Variants in HAGH observed in about 807,000 individuals in gnomAD.
HAGH encodes hydroxyacylglutathione hydrolase, also known as hydroxyacylglutathione hydrolase, mitochondrial.
HAGH carries 29 observed loss-of-function variants against 35.1 expected under a neutral mutation model. That is an observed-to-expected ratio of 0.83 (90% confidence interval 0.62 to 1.13). The LOEUF (loss-of-function observed/expected upper bound fraction) is 1.13. HAGH is among the 50% of genes most tolerant of loss of function. HAGH has a pLI of 0.00. For missense variants in HAGH, 478 were observed against 419.6 expected (o/e 1.14, Z -1.22); for synonymous variants, 225 against 176.1 (o/e 1.28, Z -2.20).
chr16:1,822,353 C>A lies in HAGH; in HGVS notation c.261G>T (p.Ala87=). The A allele has an allele frequency of 1.2e-6, 2 of 1,611,014 alleles. No individual in the cohort carries two copies. The highest frequency in any genetic ancestry group is 1.7e-4 in the Middle Eastern group (1 of 6,044). The change falls in exon 3 of 9, where the codon GCG becomes GCT. Residue 87 remains alanine, a synonymous_variant. Coordinates refer to ENST00000397356, the MANE Select transcript of HAGH (RefSeq NM_005326.6). The stretch of plus-strand genomic sequence containing the variant: ...TCAGTTTCACCCCGTGCTTTCTCGC[C>A]GCGTCCACGACCTGCAGTGGCCCCG... The part of the protein sequence containing the change: ...DPVQPQKVVD[A]ARKHGVKLTT...
chr16:1,822,354 G>A lies in HAGH; in HGVS notation c.260C>T (p.Ala87Val), dbSNP rs201035358. 125 of 1,610,498 alleles carry A rather than the reference G, an allele frequency of 7.8e-5. 1 individual carries two copies. In the Middle Eastern group the frequency reaches 9.9e-4, roughly 13 times the overall value. ...DPVQPQKVVD[A>V]ARKHGVKLTT... ...CAGTTTCACCCCGTGCTTTCTCGCCGCGTCCACGACCTGCAGTGGCCCCGG... is the reference window on the plus strand; with the variant it reads ...CAGTTTCACCCCGTGCTTTCTCGCCACGTCCACGACCTGCAGTGGCCCCGG... Residue 87 changes from alanine to valine, a missense_variant, in exon 3 of 9, where the codon GCG (alanine) becomes GTG (valine). Coordinates refer to ENST00000397356, the MANE Select transcript of HAGH (RefSeq NM_005326.6).
At chr16:1,826,907 C>T (rs1052833760), upstream of HAGH, 4 of 693,986 alleles carry the variant, frequency 5.8e-6, no homozygotes, top group East Asian at 1.3e-4. Flanking sequence ...CACCTCGCAC[C>T]GTCCGCCAAC....
intron 7 of HAGH, among the ~76,000 whole-genome samples, chr16:1,814,930 T>TATACACACACACAC: frequency 7.1e-6 from 1 of 140,732 alleles, no homozygotes; most frequent in East Asian, 2.1e-4. Context: ...TATATGTATA[T>TATACACACACACAC]ACACACACAC....
rs560247980 is a variant in HAGH, at chr16:1,813,835, C to T, written c.747+3058G>A. ...GTTACAGTCATCAAGGTGCTGTCCT[C>T]GGACACCGTGGCAAGTCATAGAGAC... On this transcript the variant is annotated intron_variant, in intron 7 of 8. Coordinates refer to ENST00000397356, the MANE Select transcript of HAGH (RefSeq NM_005326.6). 6.3e-4 allele frequency among the ~76,000 whole-genome samples: 96 copies of T among 152,338 alleles called. 2 individuals carry two copies. The South Asian group carries it at 0.019, about 30-fold the overall frequency.
At chr16:1,812,555 T>C (rs1357320090) in intron 7 of HAGH, 1 of 148,370 alleles carries the variant, frequency 6.7e-6, no homozygotes, top group Non-Finnish European at 1.5e-5. Context: ...AAATCAGGAA[T>C]GAAAGCAGGA....
chr16:1,823,066 C>T (rs759438237), intron 1 of HAGH, 29 bp from the exon 2 acceptor site: 1 of 1,607,320 alleles, frequency 6.2e-7, no homozygotes, highest in Admixed American at 1.7e-5. Context: ...ACTCAGCGGG[C>T]AGCCGCGCCA....
intron 1 of HAGH, among the ~76,000 whole-genome samples, chr16:1,825,398 C>T (rs1172977722): frequency 6.6e-6 from 1 of 152,124 alleles, no homozygotes; most frequent in Admixed American, 6.6e-5. Context: ...TGAGGAAAGA[C>T]GCAGCTGGTG....
chr16:1,811,134 C>A (rs1345933217), intron 7 of HAGH, among the ~76,000 whole-genome samples: 1 of 152,188 alleles, frequency 6.6e-6, no homozygotes, highest in African/African-American at 2.4e-5. Context: ...GGTCAGTCAG[C>A]CGAGCGCAGT....
At chr16:1,824,069 G>C (rs1003276078) in intron 1 of HAGH, among the ~76,000 whole-genome samples, 3 of 152,102 alleles carry the variant, frequency 2.0e-5, no homozygotes, top group African/African-American at 7.2e-5. Context: ...GTTCCATGCA[G>C]TTACAGCCCT....
intron 7 of HAGH, among the ~76,000 whole-genome samples, chr16:1,811,495 C>G (rs1223511880): frequency 6.6e-6 from 1 of 151,836 alleles, no homozygotes; most frequent in Non-Finnish European, 1.5e-5. Context: ...GGTGGATCAC[C>G]TGAGGTCAGG....
intron 3 of HAGH, among the ~76,000 whole-genome samples, chr16:1,820,462 C>T (rs2142044339): frequency 6.6e-6 from 1 of 150,540 alleles, no homozygotes; most frequent in East Asian, 1.9e-4. Context: ...AGTTTGTGGC[C>T]CGACACTCTG....
chr16:1,820,902 C>T (rs1021879077), intron 3 of HAGH, among the ~76,000 whole-genome samples: 2 of 152,236 alleles, frequency 1.3e-5, no homozygotes, highest in Non-Finnish European at 2.9e-5. Context: ...AAGCTATGGC[C>T]TGGCTTAGGA....
chr16:1,824,635 A>G (rs1898312502), intron 1 of HAGH, among the ~76,000 whole-genome samples: 1 of 152,168 alleles, frequency 6.6e-6, no homozygotes, highest in African/African-American at 2.4e-5. Context: ...GGGATCCAGA[A>G]ATGGGCAGCA....
At chr16:1,820,770 G>A (rs1898119259) in intron 3 of HAGH, among the ~76,000 whole-genome samples, 1 of 152,174 alleles carries the variant, frequency 6.6e-6, no homozygotes, top group Non-Finnish European at 1.5e-5. Flanking sequence ...TGGGCCCCAA[G>A]ATAACAGGGT....
At chr16:1,813,209 G>A (rs1338785883) in intron 7 of HAGH, among the ~76,000 whole-genome samples, 1 of 152,182 alleles carries the variant, frequency 6.6e-6, no homozygotes, top group African/African-American at 2.4e-5. Flanking sequence ...GGATCTGGTT[G>A]TTTAAAAGAA....
At chr16:1,821,173 C>G (rs748100431) in intron 3 of HAGH, among the ~76,000 whole-genome samples, 2 of 152,262 alleles carry the variant, frequency 1.3e-5, no homozygotes, top group South Asian at 2.1e-4. Context: ...CTGCAGGCAC[C>G]GCCCCTCAAG....
At chr16:1,826,514 T>C (rs1378230271) in intron 1 of HAGH, 198 bp downstream of exon 1, 1 of 966,516 alleles carries the variant, frequency 1.0e-6, no homozygotes, top group Non-Finnish European at 1.2e-6. Context: ...TACCTAGCGC[T>C]TTCCGCACCC....
chr16:1,816,424 G>T (rs1452928729), intron 7 of HAGH, among the ~76,000 whole-genome samples: 1 of 152,088 alleles, frequency 6.6e-6, no homozygotes, highest in African/African-American at 2.4e-5. Flanking sequence ...CCACCCAGGC[G>T]TGCGTGCTTG....
chr16:1,816,949 C>T lies in HAGH; in HGVS notation c.691G>A (p.Ala231Thr). 1 of 1,613,964 alleles carries T rather than the reference C, an allele frequency of 6.2e-7. No individual in the cohort carries two copies. Among genetic ancestry groups the T allele is most frequent in the Non-Finnish European group, 8.5e-7 (1 of 1,179,840 alleles). The change falls in exon 7 of 9, where the codon GCA becomes ACA. Residue 231 changes from alanine to threonine, a missense_variant. Transcript: ENST00000397356. Reference sequence around the variant, plus strand: ...GCATTGCCGGGCTCCACGTGGCGTGCAAACTTGAGGTTGTTGATGGTGTAC... The same window carrying T: ...GCATTGCCGGGCTCCACGTGGCGTGTAAACTTGAGGTTGTTGATGGTGTAC... ...HEYTINNLKF[A>T]RHVEPGNAAI... is the part of the protein sequence containing the mutation.
Sources: gnomAD v4.1 joint callset for allele counts (sites outside exome capture counted in the v4.1 genomes callset) on GRCh38, gnomAD v4.1.1 for gene constraint, MANE v1.5 for transcripts, NCBI Gene and HGNC (gene_info 2026-07-23, HGNC 2026-07-21) for gene names.